CYRIB: variants seen among roughly 807,000 people sequenced by gnomAD.
CYRIB encodes CYFIP related Rac1 interactor B.
A neutral mutation model predicts 44.2 loss-of-function variants in CYRIB; 8 were observed. The ratio of observed to expected loss-of-function variants is 0.18; its 90% CI spans 0.11 to 0.33. The LOEUF (loss-of-function observed/expected upper bound fraction) is 0.33. Among genes scored for constraint, CYRIB ranks in the 10% least tolerant of loss-of-function variants. The pLI is 1.00. For synonymous variants in CYRIB, 131 were observed against 127.2 expected, an observed-to-expected ratio of 1.03 and a Z score of -0.20; for missense variants, 185 against 382.8, an observed-to-expected ratio of 0.48 and a Z score of 4.31.
intron 1 of CYRIB, among the ~76,000 whole-genome samples, chr8:129,989,628 C>G (rs1469269165): frequency 6.6e-6 from 1 of 151,378 alleles, no homozygotes; most frequent in African/African-American, 2.4e-5. Flanking sequence ...CCTCGCAAGC[C>G]TGATGCCCTT....
chr8:129,958,763 T>TAAAA (rs532997313), intron 2 of CYRIB, among the ~76,000 whole-genome samples: 14 of 130,042 alleles, frequency 1.1e-4, no homozygotes, highest in Middle Eastern at 4.0e-3. Flanking sequence ...ACCACTGGTT[T>TAAAA]AAAAAAAAAA....
At chr8:129,885,569 C>A (rs2062414577) in intron 2 of CYRIB, among the ~76,000 whole-genome samples, 2 of 152,118 alleles carry the variant, frequency 1.3e-5, no homozygotes, top group Admixed American at 1.3e-4. Context: ...TGTCTAGTGC[C>A]TTGTAGGTTG....
chr8:129,861,417 T>C (rs2049461979), intron 5 of CYRIB, among the ~76,000 whole-genome samples: 1 of 152,016 alleles, frequency 6.6e-6, no homozygotes, highest in Non-Finnish European at 1.5e-5. Context: ...CTAGACAACT[T>C]TGGGTATATC....
chr8:129,934,847 G>A (rs1389378525), intron 1 of CYRIB, among the ~76,000 whole-genome samples: 1 of 152,244 alleles, frequency 6.6e-6, no homozygotes, highest in Non-Finnish European at 1.5e-5. Flanking sequence ...TAAATTTACT[G>A]AGGGTCTGGA....
At chr8:129,930,823 CCA>C (rs1300233808) in intron 1 of CYRIB, among the ~76,000 whole-genome samples, 1 of 152,068 alleles carries the variant, frequency 6.6e-6, no homozygotes, top group Non-Finnish European at 1.5e-5. Context: ...CTGCTTTTAC[CCA>C]CTGGCAACTG....
At chr8:129,947,196 T>G (rs998589593) in intron 2 of CYRIB, among the ~76,000 whole-genome samples, 4 of 152,112 alleles carry the variant, frequency 2.6e-5, no homozygotes, top group Admixed American at 2.6e-4. Flanking sequence ...TGGCTGGGAC[T>G]ACAGGCACAT....
At chr8:129,990,309 CTT>C (rs2096596699) in intron 1 of CYRIB, among the ~76,000 whole-genome samples, 1 of 152,094 alleles carries the variant, frequency 6.6e-6, no homozygotes, top group Non-Finnish European at 1.5e-5. Context: ...TTTATGTAGT[CTT>C]AACACACACA....
chr8:129,906,072 G>T (rs1051441297), intron 1 of CYRIB, among the ~76,000 whole-genome samples: 1 of 152,046 alleles, frequency 6.6e-6, no homozygotes, highest in African/African-American at 2.4e-5. Flanking sequence ...AGCTACCAAT[G>T]ACTTTCTTCA....
intron 1 of CYRIB, chr8:130,008,536 C>T (rs1370198059): frequency 6.5e-6 from 1 of 154,162 alleles, no homozygotes; most frequent in South Asian, 2.0e-4. Flanking sequence ...CTATCATTCC[C>T]CATGTGGATC....
intron 1 of CYRIB, among the ~76,000 whole-genome samples, chr8:129,916,265 ACTC>A (rs1240060458): frequency 6.6e-6 from 1 of 151,954 alleles, no homozygotes; most frequent in Non-Finnish European, 1.5e-5. Flanking sequence ...TTATGCTCTC[ACTC>A]CTAACTACTG....
intron 11 of CYRIB, among the ~76,000 whole-genome samples, chr8:129,842,758 TGTTATG>T (rs2037156704): frequency 6.6e-6 from 1 of 152,252 alleles, no homozygotes; most frequent in South Asian, 2.1e-4. Flanking sequence ...GTTACTTTCT[TGTTATG>T]GTGGCAGAGG....
At chr8:129,929,590 T>C (rs563666161) in intron 1 of CYRIB, among the ~76,000 whole-genome samples, 11 of 152,296 alleles carry the variant, frequency 7.2e-5, no homozygotes, top group South Asian at 2.1e-4. Flanking sequence ...ACTGAAGGAA[T>C]GATTAGGTTT....
chr8:129,903,756 A>G (rs1195825810), intron 1 of CYRIB, among the ~76,000 whole-genome samples: 1 of 152,244 alleles, frequency 6.6e-6, no homozygotes, highest in Admixed American at 6.5e-5. Context: ...TTCTTATCAC[A>G]GTTTAAGTTC....
intron 1 of CYRIB, among the ~76,000 whole-genome samples, chr8:129,996,153 T>G (rs759831371): frequency 6.6e-6 from 1 of 152,192 alleles, no homozygotes; most frequent in Admixed American, 6.5e-5. Context: ...CCAAGGCACT[T>G]TGCTTAGAGC....
At chr8:129,983,917 G>A (rs770993063) in intron 1 of CYRIB, among the ~76,000 whole-genome samples, 23 of 152,236 alleles carry the variant, frequency 1.5e-4, no homozygotes, top group Non-Finnish European at 2.6e-4. Context: ...ACATCCCATT[G>A]GCAGGAACCG....
chr8:130,006,914 C>T (rs2097114880), intron 1 of CYRIB, among the ~76,000 whole-genome samples: 1 of 151,700 alleles, frequency 6.6e-6, no homozygotes. Context: ...CTTTCAAATT[C>T]AATCCCCCAG....
intron 1 of CYRIB, among the ~76,000 whole-genome samples, chr8:129,914,304 C>T (rs940261697): frequency 3.3e-5 from 5 of 152,186 alleles, no homozygotes; most frequent in Admixed American, 3.3e-4. Context: ...ACACCGCTGC[C>T]AACAGGGAGA....
At chr8:129,978,315 G>A (rs190644633) in intron 1 of CYRIB, among the ~76,000 whole-genome samples, 64 of 152,244 alleles carry the variant, frequency 4.2e-4, no homozygotes, top group Admixed American at 2.2e-3. Context: ...TTTAATATTC[G>A]ATCAGCCAAG....
At chr8:129,962,862 C>T (rs913148634) in intron 2 of CYRIB, among the ~76,000 whole-genome samples, 1 of 152,180 alleles carries the variant, frequency 6.6e-6, no homozygotes, top group Non-Finnish European at 1.5e-5. Flanking sequence ...CATTCACAAA[C>T]GGTACCCGCA....
Sources: gnomAD v4.1 joint callset for allele counts (sites outside exome capture counted in the v4.1 genomes callset) on GRCh38, gnomAD v4.1.1 for gene constraint, MANE v1.5 for transcripts, NCBI Gene and HGNC (gene_info 2026-07-23, HGNC 2026-07-21) for gene names.